The following LHX8 variants were observed in gnomAD, a reference collection of about 807,000 sequenced individuals.
The protein encoded by LHX8 is LIM/homeobox protein Lhx8.
LHX8 carries 12 observed loss-of-function variants against 40.3 expected under a neutral mutation model. The observed-to-expected ratio is 0.30, with a 90% confidence interval of 0.19 to 0.48. The LOEUF is 0.48. LHX8 is among the 20% of genes least tolerant of loss of function. The pLI, the probability that LHX8 is intolerant of heterozygous loss-of-function variation, is 0.99. For synonymous variants in LHX8, 179 were observed against 162.0 expected, an observed-to-expected ratio of 1.10 and a Z score of -0.80; for missense variants, 344 against 433.7, an observed-to-expected ratio of 0.79 and a Z score of 1.84.
the LHX8 span, among the ~76,000 whole-genome samples, chr1:75,179,945 G>A: frequency 6.6e-6 from 1 of 152,044 alleles, no homozygotes; most frequent in East Asian, 1.9e-4. Flanking sequence ...TCCTTCATTT[G>A]TGAAGCTTAG....
chr1:75,171,885 T>C, the LHX8 span, among the ~76,000 whole-genome samples: 1 of 152,200 alleles, frequency 6.6e-6, no homozygotes, highest in Non-Finnish European at 1.5e-5. Flanking sequence ...GCTTTGCTAA[T>C]GGACAGAATA....
chr1:75,131,238 GC>G (rs1440743051), upstream of LHX8: 1 of 181,948 alleles, frequency 5.5e-6, no homozygotes, highest in African/African-American at 2.3e-5. Flanking sequence ...CGTAGCAGGG[GC>G]AGTTTCGGGA....
chr1:75,138,415 C>G (rs988637190), intron 3 of LHX8, among the ~76,000 whole-genome samples: 2 of 152,108 alleles, frequency 1.3e-5, no homozygotes, highest in Admixed American at 1.3e-4. Context: ...TAGATAAAAC[C>G]TAGAGAAAAT....
intron 6 of LHX8, 90 bp downstream of exon 6, chr1:75,144,038 T>G: frequency 1.0e-6 from 1 of 986,716 alleles, no homozygotes; most frequent in Non-Finnish European, 1.6e-6. Flanking sequence ...AACATTTTTA[T>G]GTTTTCTAAA....
the LHX8 span, among the ~76,000 whole-genome samples, chr1:75,198,961 A>G: frequency 6.6e-6 from 1 of 152,248 alleles, no homozygotes; most frequent in Non-Finnish European, 1.5e-5. Context: ...ACTGTGAAAA[A>G]GAGGCAGATG....
At chr1:75,161,809 G>A (rs992598105), downstream of LHX8, among the ~76,000 whole-genome samples, 1 of 152,012 alleles carries the variant, frequency 6.6e-6, no homozygotes, top group Non-Finnish European at 1.5e-5. Flanking sequence ...ATGAAATATG[G>A]GCCATAATAT....
the LHX8 span, among the ~76,000 whole-genome samples, chr1:75,176,574 C>G: frequency 6.6e-6 from 1 of 152,038 alleles, no homozygotes; most frequent in Non-Finnish European, 1.5e-5. Context: ...TGGATATTAG[C>G]CCTTTGTCAG....
At chr1:75,129,225 T>C (rs1230885310) in intron 1 of LHX8, among the ~76,000 whole-genome samples, 2 of 152,150 alleles carry the variant, frequency 1.3e-5, no homozygotes, top group African/African-American at 4.8e-5. Flanking sequence ...TTCAAACCTG[T>C]GCTCTTACTA....
chr1:75,177,921 T>G, the LHX8 span, among the ~76,000 whole-genome samples: 3 of 152,340 alleles, frequency 2.0e-5, no homozygotes, highest in East Asian at 5.8e-4. Context: ...TTTCTGCATC[T>G]ATTGAGATAA....
In LHX8 at chr1:75,141,112, C is replaced by T. The variant is rs2100337927; in HGVS notation, c.359+6C>T. The T allele has an allele frequency of 1.2e-6, 2 of 1,612,358 alleles. No homozygotes were observed. The highest frequency in any genetic ancestry group is 1.1e-5 in the South Asian group (1 of 91,060). ...TGCAAACTTGATTATTTCAGGTATG[C>T]TGTGAAGCTTTTTCTTAGTAGATAC... On this transcript the variant is annotated splice_donor_region_variant and intron_variant, in intron 4 of 8. Transcript: ENST00000356261.
At chr1:75,196,291 C>T in the LHX8 span, among the ~76,000 whole-genome samples, 1 of 152,000 alleles carries the variant, frequency 6.6e-6, no homozygotes, top group Non-Finnish European at 1.5e-5. Context: ...TGATCAATTC[C>T]AGGTGAGAAA....
chr1:75,160,511 G>A (rs1218623554), intron 8 of LHX8: 27 of 368,570 alleles, frequency 7.3e-5, no homozygotes, highest in Non-Finnish European at 1.3e-4. Flanking sequence ...GCTAGCAGCA[G>A]CATCTCTGAA....
chr1:75,135,754 A>C (rs963425469), intron 1 of LHX8, among the ~76,000 whole-genome samples: 1 of 152,234 alleles, frequency 6.6e-6, no homozygotes, highest in African/African-American at 2.4e-5. Flanking sequence ...ACATTTTGTC[A>C]GAGGTTGGGT....
the LHX8 span, among the ~76,000 whole-genome samples, chr1:75,168,079 C>T: frequency 1.3e-5 from 2 of 152,206 alleles, no homozygotes; most frequent in African/African-American, 4.8e-5. Context: ...AATGGCTCCT[C>T]CCATTTTCTG....
chr1:75,141,500 T>C (rs1308626244), intron 4 of LHX8, among the ~76,000 whole-genome samples: 1 of 152,152 alleles, frequency 6.6e-6, no homozygotes, highest in Admixed American at 6.6e-5. Context: ...GATTTTGTTA[T>C]GCTTTTAGCA....
chr1:75,172,320 G>A, the LHX8 span, among the ~76,000 whole-genome samples: 245 of 152,184 alleles, frequency 1.6e-3, 2 homozygotes, highest in African/African-American at 5.7e-3. Flanking sequence ...GTAAGTCTAG[G>A]CCTAATAACT....
At chr1:75,169,438 G>T in the LHX8 span, among the ~76,000 whole-genome samples, 1 of 152,126 alleles carries the variant, frequency 6.6e-6, no homozygotes, top group African/African-American at 2.4e-5. Flanking sequence ...TTGGCATATT[G>T]TCAACCCTAC....
upstream of LHX8, chr1:75,129,903 TTCTC>T (rs34526969): frequency 0.22 from 33,082 of 150,684 alleles, 4,259 homozygotes; most frequent in Middle Eastern, 0.34. Flanking sequence ...GAGAGTTGGA[TTCTC>T]TCTCTCTCTC....
chr1:75,164,447 A>C (rs1570311472), downstream of LHX8, among the ~76,000 whole-genome samples: 1 of 152,026 alleles, frequency 6.6e-6, no homozygotes, highest in African/African-American at 2.4e-5. Flanking sequence ...GCTACCTTTT[A>C]ATGTATATTC....
Sources: allele counts gnomAD v4.1 joint callset (sites outside exome capture counted in the v4.1 genomes callset), GRCh38; gene constraint gnomAD v4.1.1; transcripts MANE v1.5; gene names NCBI Gene and HGNC (gene_info 2026-07-23, HGNC 2026-07-21).